Variants in RIMS1 observed in about 807,000 individuals in gnomAD.
RIMS1 encodes regulating synaptic membrane exocytosis protein 1.
RIMS1 carries 83 observed loss-of-function variants against 214.1 expected under a neutral mutation model. That is an observed-to-expected ratio of 0.39 (90% CI 0.32 to 0.47). RIMS1 has a LOEUF of 0.47. RIMS1 is among the 20% of genes least tolerant of loss of function. RIMS1 has a pLI of 0.99. For missense variants in RIMS1, 2,050 were observed against 2,161.8 expected (o/e 0.95, Z 1.03); for synonymous variants, 793 against 786.8 (o/e 1.01, Z -0.13).
intron 22 of RIMS1, among the ~76,000 whole-genome samples, chr6:72,271,396 A>G (rs1404064976): frequency 6.6e-6 from 1 of 150,816 alleles, no homozygotes; most frequent in Non-Finnish European, 1.5e-5. Context: ...TGAAAACACA[A>G]TAAAAATATA....
At chr6:71,920,551 T>A (rs1331374148) in intron 1 of RIMS1, among the ~76,000 whole-genome samples, 1 of 152,134 alleles carries the variant, frequency 6.6e-6, no homozygotes, top group Non-Finnish European at 1.5e-5. Context: ...ATGAACAAAC[T>A]CTTGGTGCTT....
chr6:72,046,832 T>A (rs1301703067), intron 2 of RIMS1, among the ~76,000 whole-genome samples: 3 of 152,156 alleles, frequency 2.0e-5, no homozygotes, highest in African/African-American at 7.2e-5. Context: ...CCCATATTTA[T>A]ACTTCTCTGT....
intron 4 of RIMS1, among the ~76,000 whole-genome samples, chr6:72,124,439 C>A (rs908417005): frequency 2.0e-5 from 3 of 151,860 alleles, no homozygotes; most frequent in Non-Finnish European, 4.4e-5. Context: ...GTGAATCTGA[C>A]AATTATGTGT....
chr6:72,304,044 A>C lies in RIMS1; in HGVS notation c.3851-3214A>C, dbSNP rs2094904489. 2.6e-5 allele frequency among the ~76,000 whole-genome samples: 4 copies of C among 151,578 alleles called. No individual in the cohort carries two copies. In the South Asian group the frequency reaches 8.3e-4, roughly 31 times the overall value. On this transcript the variant is annotated intron_variant, in intron 26 of 33. Transcript: ENST00000521978. ...CTAAATGAAATTGCATGATAATTACATTTCTTGTAAAAAATGAAAGTTATT... is the reference window on the plus strand; with the variant it reads ...CTAAATGAAATTGCATGATAATTACCTTTCTTGTAAAAAATGAAAGTTATT...
rs2154166169 is a variant in RIMS1, at chr6:72,262,254, A to G, written c.3116+1487A>G. The G allele has an allele frequency of 4.9e-6, 4 of 809,604 alleles. No individual in the cohort carries two copies. The South Asian group carries it at 1.7e-4, about 34-fold the overall frequency. The allele number at this position is 809,604 out of a possible 1,614,324, so 50.2% of individuals were successfully genotyped here. On this transcript the variant is annotated intron_variant, in intron 19 of 33. Transcript: ENST00000521978. ...TATTATATAATAGTTGCATCATTTT[A>G]TATAATCTTATACTTAAGATTGGTG...
intron 1 of RIMS1, among the ~76,000 whole-genome samples, chr6:71,922,248 A>C (rs1398617319): frequency 2.6e-5 from 4 of 152,196 alleles, no homozygotes; most frequent in Admixed American, 2.0e-4. Context: ...GATCATCATC[A>C]GTATCTATAC....
chr6:72,131,113 C>G (rs1587756650), intron 4 of RIMS1, among the ~76,000 whole-genome samples: 1 of 152,124 alleles, frequency 6.6e-6, no homozygotes, highest in Non-Finnish European at 1.5e-5. Context: ...AAAGTACCAT[C>G]TCCTACATCT....
chr6:72,272,912 C>G (rs1482012036), intron 22 of RIMS1, among the ~76,000 whole-genome samples: 2 of 152,098 alleles, frequency 1.3e-5, no homozygotes, highest in Non-Finnish European at 2.9e-5. Context: ...CTTTTTAAAA[C>G]ATTCAGATTG....
At chr6:72,026,445 C>A (rs1816497921) in intron 2 of RIMS1, among the ~76,000 whole-genome samples, 1 of 131,628 alleles carries the variant, frequency 7.6e-6, no homozygotes, top group Non-Finnish European at 1.6e-5. Context: ...TATTCTTCTC[C>A]CCCAGCACCG....
At chr6:72,159,984 A>G (rs907248027) in intron 4 of RIMS1, among the ~76,000 whole-genome samples, 2 of 137,282 alleles carry the variant, frequency 1.5e-5, no homozygotes, top group South Asian at 2.5e-4. Flanking sequence ...CTTGGGCAGC[A>G]AGGCCATTTT....
chr6:72,294,647 AT>A (rs1392832613), intron 26 of RIMS1, among the ~76,000 whole-genome samples: 1 of 151,536 alleles, frequency 6.6e-6, no homozygotes, highest in South Asian at 2.1e-4. Context: ...CACTGGAAGT[AT>A]TTTTTTTCTT....
chr6:72,216,939 C>T, intron 6 of RIMS1: 1 of 1,306,246 alleles, frequency 7.7e-7, no homozygotes, highest in Non-Finnish European at 9.8e-7. Context: ...CAATGAGAAT[C>T]TGTTCACTGC....
chr6:72,116,444 A>G (rs897547878), intron 4 of RIMS1, among the ~76,000 whole-genome samples: 1 of 152,058 alleles, frequency 6.6e-6, no homozygotes, highest in African/African-American at 2.4e-5. Context: ...GTCTGAAGAC[A>G]GTTGTACTGT....
intron 6 of RIMS1, among the ~76,000 whole-genome samples, chr6:72,193,750 G>A (rs2050425443): frequency 6.6e-6 from 1 of 152,018 alleles, no homozygotes; most frequent in Non-Finnish European, 1.5e-5. Context: ...ATCTATAATA[G>A]GATGCTAAAT....
intron 29 of RIMS1, among the ~76,000 whole-genome samples, chr6:72,373,926 AT>A: frequency 6.6e-6 from 1 of 151,942 alleles, no homozygotes; most frequent in South Asian, 2.1e-4. Context: ...TTTTATTTTT[AT>A]TTTTTTGAGT....
intron 2 of RIMS1, among the ~76,000 whole-genome samples, chr6:72,084,814 T>A (rs1470304555): frequency 6.6e-6 from 1 of 152,166 alleles, no homozygotes; most frequent in Non-Finnish European, 1.5e-5. Context: ...TCTCAGTGCT[T>A]TCAGAACACT....
At chr6:72,254,498 C>T (rs914469192) in intron 16 of RIMS1, among the ~76,000 whole-genome samples, 1 of 152,258 alleles carries the variant, frequency 6.6e-6, no homozygotes, top group African/African-American at 2.4e-5. Context: ...GTAGAAAAAT[C>T]ATCACCTCTA....
intron 26 of RIMS1, among the ~76,000 whole-genome samples, chr6:72,306,960 G>T (rs1056979300): frequency 6.6e-6 from 1 of 151,950 alleles, no homozygotes; most frequent in Non-Finnish European, 1.5e-5. Context: ...AATTAAATTT[G>T]GTTTCGCATA....
intron 16 of RIMS1, among the ~76,000 whole-genome samples, chr6:72,256,285 C>T (rs1010326026): frequency 1.3e-5 from 2 of 152,024 alleles, no homozygotes; most frequent in African/African-American, 2.4e-5. Flanking sequence ...GACTTTGAGT[C>T]ACCAAAATAG....
Sources: allele counts gnomAD v4.1 joint callset (sites outside exome capture counted in the v4.1 genomes callset), GRCh38; gene constraint gnomAD v4.1.1; transcripts MANE v1.5; gene names NCBI Gene and HGNC (gene_info 2026-07-23, HGNC 2026-07-21).